F13A1: variants seen among roughly 807,000 people sequenced by gnomAD.
F13A1 encodes the protein FSF, A subunit.
In F13A1, 47 loss-of-function variants were observed where a neutral mutation model predicts 80.1. The observed-to-expected ratio is 0.59, with a 90% CI of 0.46 to 0.75. F13A1 has a LOEUF of 0.75. Ranked by LOEUF, F13A1 falls within the 30% of genes least tolerant of loss-of-function variation. The pLI is 0.00. For missense variants in F13A1, 817 were observed against 930.4 expected (o/e 0.88, Z 1.59); for synonymous variants, 349 against 344.9 (o/e 1.01, Z -0.13).
intron 3 of F13A1, among the ~76,000 whole-genome samples, chr6:6,295,152 T>C (rs1161965961): frequency 5.6e-5 from 8 of 142,786 alleles, no homozygotes; most frequent in South Asian, 2.2e-4. Flanking sequence ...CATTGTTGGA[T>C]ATTTGGGTTG....
At chr6:6,209,812 GAA>G (rs1285684834) in intron 8 of F13A1, among the ~76,000 whole-genome samples, 3 of 152,226 alleles carry the variant, frequency 2.0e-5, no homozygotes, top group African/African-American at 7.2e-5. Flanking sequence ...CATAGAGAGA[GAA>G]AGTAGATTCG....
At chr6:6,154,451 C>T (rs1011988793) in intron 13 of F13A1, among the ~76,000 whole-genome samples, 7 of 152,204 alleles carry the variant, frequency 4.6e-5, no homozygotes, top group African/African-American at 9.7e-5. Flanking sequence ...TGTTGCAGAG[C>T]TGTCCTGTGC....
chr6:6,166,786 G>A (rs774840174), intron 13 of F13A1, among the ~76,000 whole-genome samples: 1 of 152,210 alleles, frequency 6.6e-6, no homozygotes, highest in Non-Finnish European at 1.5e-5. Context: ...GAGATTTCTG[G>A]TGATCACTGG....
chr6:6,179,710 G>A lies in F13A1; in HGVS notation c.1459+2278C>T, dbSNP rs532229017. Among the ~76,000 whole-genome samples, 6 of 152,308 alleles carry A rather than the reference G, an allele frequency of 3.9e-5. No homozygotes were observed. The South Asian group carries it at 1.0e-3, about 26-fold the overall frequency. On this transcript the variant is annotated intron_variant, in intron 11 of 14. Coordinates refer to ENST00000264870, the MANE Select transcript of F13A1 (RefSeq NM_000129.4). ...CCACTTGGGGTCAAACTCCAGCCCC[G>A]AAGCAGGATGAGTCGTCGCTTACAA...
intron 3 of F13A1, among the ~76,000 whole-genome samples, chr6:6,270,159 G>C (rs907999917): frequency 1.3e-5 from 2 of 152,212 alleles, no homozygotes; most frequent in African/African-American, 4.8e-5. Flanking sequence ...TAACACAGTA[G>C]CTGGCCCTTA....
At chr6:6,176,824 A>G (rs1760889762) in intron 11 of F13A1, among the ~76,000 whole-genome samples, 1 of 152,196 alleles carries the variant, frequency 6.6e-6, no homozygotes, top group South Asian at 2.1e-4. Flanking sequence ...CACATCAGAG[A>G]GGAGCTGAGC....
At chr6:6,290,663 A>T (rs1448486418) in intron 3 of F13A1, among the ~76,000 whole-genome samples, 1 of 152,236 alleles carries the variant, frequency 6.6e-6, no homozygotes, top group Admixed American at 6.5e-5. Context: ...ACAGGTGTTC[A>T]TAGAGAACAC....
intron 14 of F13A1, 62 bp from the exon 15 acceptor site, chr6:6,145,834 C>A: frequency 6.2e-7 from 1 of 1,610,032 alleles, no homozygotes. Flanking sequence ...GATCAGGAAG[C>A]AATGAAAACT....
chr6:6,155,141 T>C (rs939113189), intron 13 of F13A1, among the ~76,000 whole-genome samples: 16 of 152,266 alleles, frequency 1.1e-4, no homozygotes, highest in African/African-American at 3.9e-4. Context: ...AACCCTAGAT[T>C]AAGAACCCTT....
intron 6 of F13A1, among the ~76,000 whole-genome samples, chr6:6,225,788 T>C (rs1757268846): frequency 6.6e-6 from 1 of 152,214 alleles, no homozygotes; most frequent in Non-Finnish European, 1.5e-5. Context: ...CAGGCATAAG[T>C]CACCATGCCT....
chr6:6,173,116 G>T (rs1160789570), intron 12 of F13A1, among the ~76,000 whole-genome samples: 3 of 152,192 alleles, frequency 2.0e-5, no homozygotes, highest in Admixed American at 2.0e-4. Flanking sequence ...TCTGCCTAGA[G>T]ACCAGTTTCT....
intron 2 of F13A1, among the ~76,000 whole-genome samples, chr6:6,313,705 CTCTT>C (rs1281952293): frequency 3.9e-5 from 6 of 151,936 alleles, no homozygotes; most frequent in Admixed American, 6.6e-5. Context: ...GGAAAAATAA[CTCTT>C]TCTCACATTT....
At chr6:6,221,462 A>G (rs989722051) in intron 8 of F13A1, among the ~76,000 whole-genome samples, 1 of 152,196 alleles carries the variant, frequency 6.6e-6, no homozygotes, top group Non-Finnish European at 1.5e-5. Flanking sequence ...AAGTCATTTA[A>G]AAGGTTGTGG....
rs183547120 is a variant in F13A1 at position 6,271,248 on chromosome 6, A to G, written c.320-4439T>C. ...TTCTGAATGTAATGATTTCAGTGAC[A>G]GCACTGGGGAAGTACTCTCCATGAT... is the stretch of plus-strand genomic sequence containing the variant. On this transcript the variant is annotated intron_variant, in intron 3 of 14. Transcript: ENST00000264870. 5.9e-5 allele frequency among the ~76,000 whole-genome samples: 9 copies of G among 152,350 alleles called. No homozygotes were observed. In the East Asian group the frequency reaches 1.5e-3, roughly 26 times the overall value.
intron 12 of F13A1, among the ~76,000 whole-genome samples, chr6:6,169,980 C>G (rs1267486915): frequency 1.3e-5 from 2 of 152,172 alleles, no homozygotes; most frequent in Non-Finnish European, 2.9e-5. Flanking sequence ...GACCCGCTCT[C>G]GTATTGCTGT....
At chr6:6,234,984 C>T (rs1012687379) in intron 6 of F13A1, among the ~76,000 whole-genome samples, 5 of 151,880 alleles carry the variant, frequency 3.3e-5, no homozygotes, top group African/African-American at 4.8e-5. Flanking sequence ...AATAGACTCA[C>T]ACAAATACAG....
intron 10 of F13A1, among the ~76,000 whole-genome samples, chr6:6,186,442 G>T (rs1346187452): frequency 6.6e-6 from 1 of 152,158 alleles, no homozygotes; most frequent in Non-Finnish European, 1.5e-5. Flanking sequence ...TCCACCTATG[G>T]CTAGCCAGTT....
At chr6:6,312,277 C>T (rs968798982) in intron 2 of F13A1, among the ~76,000 whole-genome samples, 1 of 151,760 alleles carries the variant, frequency 6.6e-6, no homozygotes, top group African/African-American at 2.4e-5. Context: ...ATCACTTCAA[C>T]AAGCCAATGC....
chr6:6,146,877 A>T (rs1288913722), intron 14 of F13A1, among the ~76,000 whole-genome samples: 1 of 152,216 alleles, frequency 6.6e-6, no homozygotes, highest in Non-Finnish European at 1.5e-5. Context: ...ATAGCAGCAC[A>T]GTGTGCAATT....
Sources: allele counts gnomAD v4.1 joint callset (sites outside exome capture counted in the v4.1 genomes callset), GRCh38; gene constraint gnomAD v4.1.1; transcripts MANE v1.5; gene names NCBI Gene and HGNC (gene_info 2026-07-23, HGNC 2026-07-21).